The following NXPH1 variants were observed in gnomAD, a reference collection of about 807,000 sequenced individuals.
The protein encoded by NXPH1 is neurexophilin 1, also known as neurexophilin-1.
Under a neutral mutation model 23.7 loss-of-function variants are expected in NXPH1, and 5 were observed. That is an observed-to-expected ratio of 0.21 (90% CI 0.11 to 0.44). The LOEUF (loss-of-function observed/expected upper bound fraction) is 0.44, where lower values mean the gene tolerates loss of function less well. NXPH1 is among the 20% of genes least tolerant of loss of function. The pLI is 0.99. For synonymous variants in NXPH1, 144 were observed against 122.2 expected (o/e 1.18, Z -1.18); for missense variants, 324 against 321.6 (o/e 1.01, Z -0.06).
At chr7:8,477,184 C>G (rs759281148) in intron 2 of NXPH1, among the ~76,000 whole-genome samples, 15 of 152,052 alleles carry the variant, frequency 9.9e-5, no homozygotes, top group Non-Finnish European at 2.1e-4. Flanking sequence ...AAAGTACTTC[C>G]CTGGCGGATG....
At chr7:8,623,760 CAT>C (rs1229519004) in intron 2 of NXPH1, among the ~76,000 whole-genome samples, 1 of 150,274 alleles carries the variant, frequency 6.7e-6, no homozygotes. Flanking sequence ...TATGTATATG[CAT>C]ATGTGTATTT....
At chr7:8,509,579 C>T (rs73675740) in intron 2 of NXPH1, among the ~76,000 whole-genome samples, 1,996 of 152,172 alleles carry the variant, frequency 0.013, 32 homozygotes, top group African/African-American at 0.043. Context: ...TGTATTCCCC[C>T]TTCTTTTTCT....
At chr7:8,553,434 C>T (rs1187303875) in intron 2 of NXPH1, among the ~76,000 whole-genome samples, 1 of 150,462 alleles carries the variant, frequency 6.6e-6, no homozygotes, top group Non-Finnish European at 1.5e-5. Context: ...TTGGCTGGTA[C>T]ATAATCATTA....
chr7:8,685,699 G>A (rs902581082), intron 2 of NXPH1, among the ~76,000 whole-genome samples: 7 of 152,010 alleles, frequency 4.6e-5, no homozygotes, highest in East Asian at 3.9e-4. Context: ...TCTCCACAGC[G>A]GTTGTACTAA....
chr7:8,497,855 C>T (rs1348714086), intron 2 of NXPH1, among the ~76,000 whole-genome samples: 2 of 152,104 alleles, frequency 1.3e-5, no homozygotes, highest in South Asian at 4.1e-4. Flanking sequence ...TGTGCAGAAG[C>T]TCTTTAGTTT....
Position 8,435,722 on chromosome 7 carries a change from T to A in NXPH1, c.9T>A (p.Ala3=). ...GTTTGAGACGCGGGAGAATGCAGGC[T>A]GCGTGCTGGTACGTGCTTTTCCTCC... MQ[A]ACWYVLFLLQ... The change falls in exon 2 of 3, where the codon GCT becomes GCA. Residue 3 remains alanine (A), a synonymous_variant. Transcript: ENST00000405863. This position sits in a 1 kb window ranked among gnomAD's most constrained non-coding sequence, Gnocchi z 5.9. 2.5e-6 allele frequency: 4 copies of A among 1,613,958 alleles called. No homozygotes were observed. The Admixed American group carries it at 5.0e-5, about 20-fold the overall frequency.
chr7:8,640,658 G>T (rs1271091086), intron 2 of NXPH1, among the ~76,000 whole-genome samples: 1 of 152,092 alleles, frequency 6.6e-6, no homozygotes, highest in Non-Finnish European at 1.5e-5. Flanking sequence ...AGCTTATGAA[G>T]TTCTATCAGA....
intron 2 of NXPH1, among the ~76,000 whole-genome samples, chr7:8,536,664 T>TCTA (rs1818031815): frequency 6.6e-6 from 1 of 151,820 alleles, no homozygotes; most frequent in South Asian, 2.1e-4. Flanking sequence ...TTCTGGTTGC[T>TCTA]AGGTAGAAAA....
chr7:8,599,686 C>CTGG (rs1819310158), intron 2 of NXPH1, among the ~76,000 whole-genome samples: 3 of 152,058 alleles, frequency 2.0e-5, no homozygotes, highest in Admixed American at 2.0e-4. Flanking sequence ...CACTCAAGAC[C>CTGG]TGGTTTATTG....
intron 2 of NXPH1, among the ~76,000 whole-genome samples, chr7:8,463,325 T>A (rs1816726149): frequency 6.6e-6 from 1 of 152,122 alleles, no homozygotes; most frequent in Admixed American, 6.5e-5. Context: ...CATAGTATTT[T>A]TTTTATCATG....
chr7:8,518,777 C>A (rs1817725923), intron 2 of NXPH1, among the ~76,000 whole-genome samples: 1 of 152,198 alleles, frequency 6.6e-6, no homozygotes, highest in East Asian at 1.9e-4. Context: ...TGAACCACTG[C>A]ACCCAAGTAG....
intron 2 of NXPH1, among the ~76,000 whole-genome samples, chr7:8,489,129 C>G (rs775255713): frequency 1.3e-5 from 2 of 152,042 alleles, no homozygotes; most frequent in Admixed American, 6.6e-5. Context: ...TTGGCTGTTT[C>G]GTTGTCAGGG....
At chr7:8,633,501 T>G (rs1367623244) in intron 2 of NXPH1, among the ~76,000 whole-genome samples, 1 of 152,194 alleles carries the variant, frequency 6.6e-6, no homozygotes, top group Non-Finnish European at 1.5e-5. Flanking sequence ...GCACACACAT[T>G]GTACTACAGT....
intron 2 of NXPH1, among the ~76,000 whole-genome samples, chr7:8,494,430 G>A (rs1209346728): frequency 6.6e-6 from 1 of 151,752 alleles, no homozygotes; most frequent in African/African-American, 2.4e-5. Flanking sequence ...TAGTTTTTCT[G>A]CAACCTTATT....
intron 2 of NXPH1, among the ~76,000 whole-genome samples, chr7:8,746,618 A>G (rs1299604535): frequency 1.3e-5 from 2 of 152,200 alleles, no homozygotes; most frequent in Admixed American, 6.5e-5. Flanking sequence ...TTCATGTTAC[A>G]TTGTTTGGAG....
At position 8,614,182 on chromosome 7, in the gene NXPH1, G is replaced by C. The variant is rs111718878; in HGVS notation, c.55-136826G>C. Among the ~76,000 whole-genome samples the C allele has an allele frequency of 5.6e-3, 849 of 151,916 alleles. 10 individuals carry two copies. Among genetic ancestry groups the C allele is most frequent in the African/African-American group, 0.02 (811 of 41,486 alleles). ...TTTATTGACTCGTCTCCCTTTGTTA[G>C]ATAGATTATATCTTTGTTGTTGTTT... is the stretch of plus-strand genomic sequence containing the variant. On this transcript the variant is annotated intron_variant, in intron 2 of 2. Transcript: ENST00000405863.
chr7:8,695,371 G>T (rs909316626), intron 2 of NXPH1, among the ~76,000 whole-genome samples: 1 of 152,152 alleles, frequency 6.6e-6, no homozygotes, highest in African/African-American at 2.4e-5. Context: ...TTCAATGCTA[G>T]AACTTGCTCT....
chr7:8,666,909 A>T (rs1419682379), intron 2 of NXPH1, among the ~76,000 whole-genome samples: 1 of 151,768 alleles, frequency 6.6e-6, no homozygotes, highest in African/African-American at 2.4e-5. Context: ...TTCTTTTTTT[A>T]AAAATTAATC....
chr7:8,642,843 C>A (rs984506460), intron 2 of NXPH1, among the ~76,000 whole-genome samples: 14 of 151,708 alleles, frequency 9.2e-5, no homozygotes, highest in Non-Finnish European at 5.9e-5. Flanking sequence ...GATGTCTGGG[C>A]ATATACTTTT....
Sources: gnomAD v4.1 joint callset for allele counts (sites outside exome capture counted in the v4.1 genomes callset) on GRCh38, gnomAD v4.1.1 for gene constraint, Gnocchi (gnomAD v3.1) non-coding constraint, MANE v1.5 for transcripts, NCBI Gene and HGNC (gene_info 2026-07-23, HGNC 2026-07-21) for gene names.